The following FRY variants were observed in gnomAD, a reference collection of about 807,000 sequenced individuals.
The protein encoded by FRY is FRY microtubule binding protein, also known as protein furry homolog.
Under a neutral mutation model 348.4 loss-of-function variants are expected in FRY, and 128 were observed. That is an observed-to-expected ratio of 0.37 (90% confidence interval 0.32 to 0.43). The LOEUF is 0.43. Ranked by LOEUF, FRY falls within the 20% of genes least tolerant of loss-of-function variation. The pLI is 1.00. For missense variants in FRY, 2,736 were observed against 3,695.2 expected (o/e 0.74, Z 6.73); for synonymous variants, 1,370 against 1,374.7 (o/e 1.00, Z 0.08).
intron 11 of FRY, among the ~76,000 whole-genome samples, chr13:32,143,218 A>G (rs1004101929): frequency 1.3e-5 from 2 of 152,226 alleles, no homozygotes. Context: ...GCAGGAAAGT[A>G]AAAAAACATG....
intron 16 of FRY, among the ~76,000 whole-genome samples, chr13:32,158,148 T>A (rs569238973): frequency 3.9e-4 from 59 of 152,354 alleles, no homozygotes; most frequent in African/African-American, 1.4e-3. Context: ...GTGTGCATTT[T>A]TTTTTGTGAT....
intron 51 of FRY, among the ~76,000 whole-genome samples, chr13:32,258,932 A>C (rs1250296577): frequency 6.6e-6 from 1 of 152,178 alleles, no homozygotes; most frequent in Admixed American, 6.5e-5. Context: ...AAATTTCTTC[A>C]ACAATAATTC....
chr13:32,226,975 A>G (rs1199083063), intron 39 of FRY, among the ~76,000 whole-genome samples: 1 of 152,246 alleles, frequency 6.6e-6, no homozygotes, highest in Admixed American at 6.5e-5. Flanking sequence ...TTTAAACTGA[A>G]GAGTTCTAGC....
At chr13:32,064,863 G>C (rs1874155371) in intron 1 of FRY, among the ~76,000 whole-genome samples, 1 of 152,108 alleles carries the variant, frequency 6.6e-6, no homozygotes, top group Non-Finnish European at 1.5e-5. Flanking sequence ...CACACTCATA[G>C]TCTTTTGAAG....
intron 1 of FRY, among the ~76,000 whole-genome samples, chr13:32,066,825 G>C (rs538775160): frequency 6.6e-6 from 1 of 152,156 alleles, no homozygotes; most frequent in Non-Finnish European, 1.5e-5. Context: ...TAAGACCTTA[G>C]TTCTAATGCT....
In FRY at chr13:32,178,929, T is replaced by G; in HGVS notation, c.2767T>G (p.Phe923Val). 1 of 1,613,530 alleles carries G rather than the reference T, an allele frequency of 6.2e-7. No homozygotes were observed. Among genetic ancestry groups the G allele is most frequent in the Non-Finnish European group, 8.5e-7 (1 of 1,179,452 alleles). ...GTGGAGAAATTACCTAATTCTTTGT[T>G]TTGGAGTTGCAAAACCCAGTATTAT... is the stretch of plus-strand genomic sequence containing the variant. Reference protein sequence around the residue: ...TLWRNYLILCFGVAKPSIMSP... With the variant: ...TLWRNYLILCVGVAKPSIMSP... Residue 923 changes from phenylalanine (F) to valine (V), a missense_variant, in exon 22 of 61, where the codon TTT becomes GTT. Coordinates refer to ENST00000542859, the MANE Select transcript of FRY (RefSeq NM_023037.3).
chr13:32,238,513 C>T (rs1199119185), intron 44 of FRY, among the ~76,000 whole-genome samples: 4 of 151,954 alleles, frequency 2.6e-5, no homozygotes, highest in African/African-American at 4.8e-5. Context: ...AGTTCAGTGG[C>T]GTGATCTCGG....
At chr13:32,059,412 A>G (rs771201687) in intron 1 of FRY, among the ~76,000 whole-genome samples, 6 of 150,390 alleles carry the variant, frequency 4.0e-5, no homozygotes, top group Non-Finnish European at 7.4e-5. Context: ...GACTTCTACA[A>G]TTACATTCAC....
intron 29 of FRY, among the ~76,000 whole-genome samples, chr13:32,195,742 C>T (rs765430314): frequency 1.3e-5 from 2 of 152,112 alleles, no homozygotes; most frequent in African/African-American, 2.4e-5. Context: ...GGTCATAAAA[C>T]CTGCTATGTT....
chr13:32,234,527 G>C, intron 41 of FRY, 47 bp from the exon 42 acceptor site: 1 of 1,532,076 alleles, frequency 6.5e-7, no homozygotes, highest in Non-Finnish European at 9.0e-7. Flanking sequence ...ATGCCCCAGA[G>C]CATGTAGAGT....
chr13:32,173,207 A>G (rs1172470840), intron 18 of FRY, among the ~76,000 whole-genome samples, 160 bp from the exon 19 acceptor site: 1 of 152,202 alleles, frequency 6.6e-6, no homozygotes, highest in Non-Finnish European at 1.5e-5. Flanking sequence ...AGGATATTTC[A>G]TGAATAATAA....
At chr13:32,227,045 A>C (rs1885619291) in intron 39 of FRY, among the ~76,000 whole-genome samples, 1 of 152,218 alleles carries the variant, frequency 6.6e-6, no homozygotes, top group African/African-American at 2.4e-5. Context: ...GAAAACTGTA[A>C]TATCTGATAA....
chr13:32,270,017 T>C (rs1888126396), intron 55 of FRY, among the ~76,000 whole-genome samples: 2 of 152,128 alleles, frequency 1.3e-5, no homozygotes, highest in African/African-American at 4.8e-5. Flanking sequence ...TGAGATTAAC[T>C]TGGGGCTGGA....
chr13:32,261,954 C>T (rs184616101), intron 52 of FRY, 138 bp downstream of exon 52: 24 of 811,002 alleles, frequency 3.0e-5, no homozygotes, highest in East Asian at 1.1e-4. Flanking sequence ...TGGTGTCATA[C>T]GGGTTCTAGC....
intron 2 of FRY, 121 bp from the exon 3 acceptor site, chr13:32,101,842 G>A: frequency 1.5e-6 from 1 of 657,184 alleles, no homozygotes; most frequent in Non-Finnish European, 2.7e-6. Context: ...TTAAAAATTG[G>A]TGCCTCCTGA....
chr13:32,109,822 C>T (rs1877838339), intron 3 of FRY, among the ~76,000 whole-genome samples: 1 of 152,116 alleles, frequency 6.6e-6, no homozygotes, highest in South Asian at 2.1e-4. Context: ...ATTATGTGGT[C>T]ACTCAACAAA....
Position 32,124,841 on chromosome 13 carries a change from T to C in FRY, c.682T>C (p.Tyr228His). The change falls in exon 7 of 61, where the codon TAT becomes CAT. Residue 228 changes from tyrosine (Y) to histidine (H), a missense_variant. Tyr to His is a moderately conservative substitution (Grantham distance 83, BLOSUM62 2). This residue lies in a region of FRY where 309 missense variants were observed against 418.1 expected (regional missense o/e 0.74). Transcript: ENST00000542859. The part of the protein sequence containing the change: ...TGNMHIVADL[Y>H]AEVIGVLAQA... Reference sequence around the variant, plus strand: ...CAATATGCATATTGTGGCAGACCTGTATGCAGAAGTCATTGGAGTGTTGGC... The same window carrying C: ...CAATATGCATATTGTGGCAGACCTGCATGCAGAAGTCATTGGAGTGTTGGC... The C allele has an allele frequency of 6.2e-7, 1 of 1,613,324 alleles. No homozygotes were observed. The highest frequency in any genetic ancestry group is 8.5e-7 in the Non-Finnish European group (1 of 1,179,202).
Position 32,231,165 on chromosome 13 carries a change from G to C in FRY, c.5406-14G>C. The C allele has an allele frequency of 6.2e-7, 1 of 1,612,298 alleles. No individual in the cohort carries two copies. On this transcript the variant is annotated splice_polypyrimidine_tract_variant and intron_variant, in intron 40 of 60. Transcript: ENST00000542859. ...GACAGTTATATTTTTGACATTTTGTGTGTTTTGTTTAAGGGCATTTGGTCC... is the reference window on the plus strand; with the variant it reads ...GACAGTTATATTTTTGACATTTTGTCTGTTTTGTTTAAGGGCATTTGGTCC...
intron 41 of FRY, among the ~76,000 whole-genome samples, chr13:32,232,254 G>A (rs1885957031): frequency 6.6e-6 from 1 of 152,198 alleles, no homozygotes; most frequent in South Asian, 2.1e-4. Flanking sequence ...TAATAAACAT[G>A]AGAAAATGTA....
Sources: allele counts gnomAD v4.1 joint callset (sites outside exome capture counted in the v4.1 genomes callset), GRCh38; gene constraint gnomAD v4.1.1; regional missense constraint gnomAD v4.1.1; transcripts MANE v1.5; gene names NCBI Gene and HGNC (gene_info 2026-07-23, HGNC 2026-07-21).